Variants in GNL3 observed in about 807,000 individuals in gnomAD.
GNL3 encodes guanine nucleotide-binding protein-like 3.
In GNL3, 77 loss-of-function variants were observed where a neutral mutation model predicts 70.6. The ratio of observed to expected loss-of-function variants is 1.09; its 90% confidence interval spans 0.91 to 1.32. The LOEUF is 1.32. Ranked by LOEUF, GNL3 falls within the 40% of genes most tolerant of loss-of-function variation. The pLI is 0.00. For missense variants in GNL3, 634 were observed against 644.0 expected (o/e 0.98, Z 0.17); for synonymous variants, 252 against 216.1 (o/e 1.17, Z -1.46).
chr3:52,685,951 C>T, upstream of GNL3: 2 of 729,820 alleles, frequency 2.7e-6, no homozygotes, highest in Admixed American at 4.0e-5. Flanking sequence ...CTCCGCGCGA[C>T]ACTGCGTGCC....
Position 52,687,297 on chromosome 3 carries a change from A to G in GNL3, c.124A>G (p.Lys42Glu). 1 of 1,613,148 alleles carries G rather than the reference A, an allele frequency of 6.2e-7. No individual in the cohort carries two copies. Among genetic ancestry groups the G allele is most frequent in the East Asian group, 2.2e-5 (1 of 44,880 alleles). The part of the protein sequence containing the change: ...LRKEAKKRGH[K>E]KPRKDPGVPN... ...AAAGGAGGCTAAAAAGCGGGGTCAC[A>G]AGAAGCCTAGGAAAGACCCAGGAGT... is the stretch of plus-strand genomic sequence containing the variant. Residue 42 changes from lysine (K) to glutamate (E), a missense_variant, in exon 3 of 15, where the codon AAG (lysine) becomes GAG (glutamate). Transcript: ENST00000418458.
At chr3:52,689,808 C>T (rs570090344) in intron 6 of GNL3, among the ~76,000 whole-genome samples, 10 of 152,168 alleles carry the variant, frequency 6.6e-5, no homozygotes, top group Admixed American at 4.6e-4. Context: ...AAATATTAGC[C>T]GGGCATGATG....
intron 6 of GNL3, among the ~76,000 whole-genome samples, chr3:52,689,751 G>A (rs960209308): frequency 6.6e-6 from 1 of 152,124 alleles, no homozygotes; most frequent in African/African-American, 2.4e-5. Flanking sequence ...CCAGGAGTTC[G>A]AGAAAAGCCT....
At chr3:52,686,734 T>G in intron 1 of GNL3, 35 bp from the exon 2 acceptor site, 1 of 1,490,944 alleles carries the variant, frequency 6.7e-7, no homozygotes, top group Non-Finnish European at 9.4e-7. Context: ...AACTAATCAT[T>G]TGGGTTAACA....
In GNL3 at chr3:52,694,233, T is replaced by A; in HGVS notation, c.1608T>A (p.Ile536=). 3 of 1,592,140 alleles carry A rather than the reference T, an allele frequency of 1.9e-6. No individual in the cohort carries two copies. Among genetic ancestry groups the A allele is most frequent in the Non-Finnish European group, 2.6e-6 (3 of 1,161,336 alleles). The change falls in exon 15 of 15, where the codon ATT becomes ATA. Residue 536 remains isoleucine (I), a synonymous_variant. Transcript: ENST00000418458. ...STRSFILDKI[I]EEDDAYDFST... ...GGTCTTTTATCTTGGATAAAATCATTGAAGAGGATGATGCTTATGACTTCA... is the reference window on the plus strand; with the variant it reads ...GGTCTTTTATCTTGGATAAAATCATAGAAGAGGATGATGCTTATGACTTCA...
intron 5 of GNL3, 97 bp downstream of exon 5, chr3:52,688,289 A>C (rs2097324161): frequency 1.4e-6 from 1 of 726,706 alleles, no homozygotes; most frequent in African/African-American, 1.8e-5. Flanking sequence ...GTGCATGTGC[A>C]GGTTTGTTAT....
chr3:52,692,851 A>G, intron 9 of GNL3, 21 bp from the exon 10 acceptor site: 2 of 1,600,516 alleles, frequency 1.2e-6, no homozygotes, highest in African/African-American at 1.3e-5. Context: ...GCCCCCATCA[A>G]TTCCATCGCT....
rs1465511947 is a variant in GNL3, at chr3:52,689,133, C to T, written c.468C>T (p.Cys156=). The T allele has an allele frequency of 6.2e-7, 1 of 1,611,118 alleles. No homozygotes were observed. Among genetic ancestry groups the T allele is most frequent in the Non-Finnish European group, 8.5e-7 (1 of 1,177,256 alleles). Residue 156 remains cysteine, a synonymous_variant, in exon 6 of 15, where the codon TGC becomes TGT. Coordinates refer to ENST00000418458, the MANE Select transcript of GNL3 (RefSeq NM_014366.5). The part of the protein sequence containing the change: ...EVLDARDPLG[C]RCPQVEEAIV... ...TGGATGCCAGAGATCCTCTTGGTTG[C>T]AGATGTCCTCAGGTAGAAGAGGCCA...
chr3:52,691,565 A>G lies in GNL3; in HGVS notation c.805A>G (p.Ser269Gly). ...AGGTTTCCCAAATGTGGGGAAAAGC[A>G]GCATTATCAATAGCTTAAAACAAGA... ...VIGFPNVGKS[S>G]IINSLKQEQM... Residue 269 changes from serine to glycine, a missense_variant, in exon 9 of 15, where the codon AGC (serine) becomes GGC (glycine). Physicochemically the swap from Ser to Gly is moderately conservative, Grantham distance 56. Transcript: ENST00000418458. 6.3e-7 allele frequency: 1 copy of G among 1,597,060 alleles called. No individual in the cohort carries two copies. The highest frequency in any genetic ancestry group is 8.6e-7 in the Non-Finnish European group (1 of 1,166,248).
chr3:52,690,419 C>T (rs535145041), intron 6 of GNL3, among the ~76,000 whole-genome samples, 173 bp from the exon 7 acceptor site: 1 of 152,212 alleles, frequency 6.6e-6, no homozygotes, highest in South Asian at 2.1e-4. Context: ...CCCACCACCA[C>T]GCCCAGCTAA....
At position 52,693,339 on chromosome 3, in the gene GNL3, C is replaced by T; in HGVS notation, c.1187+10C>T. The T allele has an allele frequency of 2.5e-6, 4 of 1,613,520 alleles. No homozygotes were observed. The highest frequency in any genetic ancestry group is 3.4e-6 in the Non-Finnish European group (4 of 1,179,842). ...GGTCTGAGTGGACAGGGTAAGCTTTCTTTTCTGTTGGCATTTTGGTGACCA... is the reference window on the plus strand; with the variant it reads ...GGTCTGAGTGGACAGGGTAAGCTTTTTTTTCTGTTGGCATTTTGGTGACCA... On this transcript the variant is annotated intron_variant, in intron 11 of 14. Transcript: ENST00000418458.
In GNL3 at chr3:52,693,818, C is replaced by T; in HGVS notation, c.1500+11C>T. ...GATGAAGAAGTTGATGTAAGTGTGT[C>T]CTCCATGAGTTAAAACTGAAGTGAG... is the stretch of plus-strand genomic sequence containing the variant. On this transcript the variant is annotated intron_variant, in intron 13 of 14. Transcript: ENST00000418458. 1 of 1,605,454 alleles carries T rather than the reference C, an allele frequency of 6.2e-7. No individual in the cohort carries two copies. The highest frequency in any genetic ancestry group is 8.5e-7 in the Non-Finnish European group (1 of 1,172,788).
At position 52,694,204 on chromosome 3, in the gene GNL3, A is replaced by G; in HGVS notation, c.1579A>G (p.Thr527Ala). 6.2e-7 allele frequency: 1 copy of G among 1,600,278 alleles called. No individual in the cohort carries two copies. Among genetic ancestry groups the G allele is most frequent in the Non-Finnish European group, 8.6e-7 (1 of 1,167,934 alleles). Residue 527 changes from threonine to alanine, a missense_variant, in exon 15 of 15, where the codon ACA becomes GCA. Transcript: ENST00000418458. ...SEETTAGEQS[T>A]RSFILDKIIE... The stretch of plus-strand genomic sequence containing the variant: ...TTCCTGCAATATAGGTGAACAGTCT[A>G]CAAGGTCTTTTATCTTGGATAAAAT...
chr3:52,686,047 C>T lies in GNL3; in HGVS notation c.-46C>T, dbSNP rs1191012107. 6.6e-6 allele frequency: 6 copies of T among 909,482 alleles called. No homozygotes were observed. The highest frequency in any genetic ancestry group is 1.1e-5 in the Non-Finnish European group (6 of 535,874). 56.3% of individuals were successfully genotyped at this position (909,482 alleles called of 1,614,324 possible). A position where few individuals can be genotyped will look rare whatever the true frequency, so the allele number is the denominator to read the frequency against. Reference sequence around the variant, plus strand: ...CAGTGGCTTCAGTTCACACGTGGCGCCAGCGGAGGCAGGTTGATGTGTTTG... The same window carrying T: ...CAGTGGCTTCAGTTCACACGTGGCGTCAGCGGAGGCAGGTTGATGTGTTTG... On this transcript the variant is annotated 5_prime_UTR_variant, in exon 1 of 15. Transcript: ENST00000418458.
intron 13 of GNL3, 42 bp downstream of exon 13, chr3:52,693,849 T>C (rs1475255554): frequency 6.6e-7 from 1 of 1,515,888 alleles, no homozygotes. Context: ...GTGAGTTTTC[T>C]AGCATTATAA....
intron 8 of GNL3, 193 bp downstream of exon 8, chr3:52,691,264 A>G (rs1205067682): frequency 1.5e-5 from 9 of 616,880 alleles, no homozygotes; most frequent in East Asian, 2.8e-5. Flanking sequence ...AACTTACACA[A>G]CTGCTGCCAG....
In GNL3 at chr3:52,687,543, G is replaced by A. The variant is rs776242992; in HGVS notation, c.252G>A (p.Lys84=). 1.1e-5 allele frequency: 18 copies of A among 1,613,650 alleles called. No homozygotes were observed. The highest frequency in any genetic ancestry group is 1.5e-5 in the Non-Finnish European group (18 of 1,179,688). The part of the protein sequence containing the change: ...LKQQQKLDRQ[K]ELEKKRKLET... ...AGCAGCAGAAACTTGACAGGCAGAA[G>A]GAACTAGAAAAGAAAAGAAAACTTG... is the stretch of plus-strand genomic sequence containing the variant. The change falls in exon 4 of 15, where the codon AAG becomes AAA. Residue 84 remains lysine, a synonymous_variant. Transcript: ENST00000418458.
rs533292598 is a variant in GNL3 at position 52,686,038 on chromosome 3, C to T, written c.-55C>T. Reference sequence around the variant, plus strand: ...GACGCTCGTCAGTGGCTTCAGTTCACACGTGGCGCCAGCGGAGGCAGGTTG... The same window carrying T: ...GACGCTCGTCAGTGGCTTCAGTTCATACGTGGCGCCAGCGGAGGCAGGTTG... On this transcript the variant is annotated 5_prime_UTR_variant, in exon 1 of 15. Coordinates refer to ENST00000418458, the MANE Select transcript of GNL3 (RefSeq NM_014366.5). 4 of 867,358 alleles carry T rather than the reference C, an allele frequency of 4.6e-6. No individual in the cohort carries two copies. In the East Asian group the frequency reaches 9.6e-5, roughly 21 times the overall value. The allele number at this position is 867,358 out of a possible 1,614,324, so 53.7% of individuals were successfully genotyped here.
Position 52,693,335 on chromosome 3 carries a change from CT to C in GNL3, c.1187+9del. ...CTGTGGTCTGAGTGGACAGGGTAAG[CT>C]TTCTTTTCTGTTGGCATTTTGGTGA... On this transcript the variant is annotated splice_region_variant and intron_variant, in intron 11 of 14. Coordinates refer to ENST00000418458, the MANE Select transcript of GNL3 (RefSeq NM_014366.5). 2 of 1,613,552 alleles carry C rather than the reference CT, an allele frequency of 1.2e-6. No individual in the cohort carries two copies. Among genetic ancestry groups the C allele is most frequent in the Non-Finnish European group, 1.7e-6 (2 of 1,179,872 alleles).
Sources: gnomAD v4.1 joint callset for allele counts (sites outside exome capture counted in the v4.1 genomes callset) on GRCh38, gnomAD v4.1.1 for gene constraint, MANE v1.5 for transcripts, NCBI Gene and HGNC (gene_info 2026-07-23, HGNC 2026-07-21) for gene names.